Variants in ST6GALNAC3 observed in about 807,000 individuals in gnomAD.
The protein encoded by ST6GALNAC3 is ST6 N-acetylgalactosaminide alpha-2,6-sialyltransferase 3.
In ST6GALNAC3, 25 loss-of-function variants were observed where a neutral mutation model predicts 32.7. The observed-to-expected ratio is 0.76, with a 90% CI of 0.56 to 1.07. The LOEUF is 1.07. Ranked by LOEUF, ST6GALNAC3 falls within the 50% of genes least tolerant of loss-of-function variation. The pLI, the probability that ST6GALNAC3 is intolerant of heterozygous loss-of-function variation, is 0.00. For missense variants in ST6GALNAC3, 355 were observed against 382.4 expected (o/e 0.93, Z 0.60); for synonymous variants, 129 against 133.1 (o/e 0.97, Z 0.21).
In ST6GALNAC3 at chr1:76,438,390, C is replaced by T. The variant is rs183655665; in HGVS notation, c.623+25973C>T. ...TCCTGACCTTGTGATCCACCCGCCT[C>T]GGCCTCCCAAAGTGCTGGGATTACA... On this transcript the variant is annotated intron_variant, in intron 3 of 4. Coordinates refer to ENST00000328299, the MANE Select transcript of ST6GALNAC3 (RefSeq NM_152996.4). 3.8e-3 allele frequency among the ~76,000 whole-genome samples: 579 copies of T among 152,248 alleles called. 2 individuals carry two copies. Among genetic ancestry groups the T allele is most frequent in the African/African-American group, 0.013 (558 of 41,552 alleles).
At chr1:76,419,984 G>T (rs2101366680) in intron 3 of ST6GALNAC3, among the ~76,000 whole-genome samples, 1 of 147,426 alleles carries the variant, frequency 6.8e-6, no homozygotes, top group South Asian at 2.1e-4. Flanking sequence ...GGAGTGGAAA[G>T]TTTAATAGGC....
At chr1:76,384,010 T>C (rs1213414361) in intron 2 of ST6GALNAC3, among the ~76,000 whole-genome samples, 4 of 152,182 alleles carry the variant, frequency 2.6e-5, no homozygotes, top group African/African-American at 9.6e-5. Context: ...ACAAATGAAA[T>C]AGAGAACAAC....
At chr1:76,161,083 C>T (rs1651772433) in intron 1 of ST6GALNAC3, among the ~76,000 whole-genome samples, 1 of 152,142 alleles carries the variant, frequency 6.6e-6, no homozygotes, top group Admixed American at 6.5e-5. Flanking sequence ...TAGAGATGGG[C>T]CGGTGACCTC....
At chr1:76,380,794 G>T (rs527749484) in intron 2 of ST6GALNAC3, among the ~76,000 whole-genome samples, 3 of 152,070 alleles carry the variant, frequency 2.0e-5, no homozygotes, top group Non-Finnish European at 4.4e-5. Context: ...AGCTCCAAAG[G>T]GATGGAATGA....
At chr1:76,383,317 C>G (rs1651858477) in intron 2 of ST6GALNAC3, among the ~76,000 whole-genome samples, 1 of 152,076 alleles carries the variant, frequency 6.6e-6, no homozygotes, top group South Asian at 2.1e-4. Context: ...GTCACCCAGT[C>G]TAGAGTGCAG....
intron 2 of ST6GALNAC3, among the ~76,000 whole-genome samples, chr1:76,399,524 G>C (rs1245339477): frequency 6.6e-6 from 1 of 152,110 alleles, no homozygotes; most frequent in Non-Finnish European, 1.5e-5. Flanking sequence ...ACACCATCTT[G>C]TTCCTCTTCA....
At chr1:76,291,046 G>C (rs932135979) in intron 1 of ST6GALNAC3, among the ~76,000 whole-genome samples, 3 of 152,200 alleles carry the variant, frequency 2.0e-5, no homozygotes, top group Non-Finnish European at 4.4e-5. Flanking sequence ...AGGTACTAAA[G>C]GAGATGGAGA....
chr1:76,339,359 G>A (rs542268842), intron 2 of ST6GALNAC3, among the ~76,000 whole-genome samples: 51 of 152,238 alleles, frequency 3.4e-4, no homozygotes, highest in African/African-American at 1.1e-3. Flanking sequence ...GCTGAAGGAA[G>A]GAGCCATGAG....
At chr1:76,286,610 C>T (rs1005965392) in intron 1 of ST6GALNAC3, among the ~76,000 whole-genome samples, 1 of 152,236 alleles carries the variant, frequency 6.6e-6, no homozygotes, top group African/African-American at 2.4e-5. Flanking sequence ...CAACCTTCTT[C>T]CCCTTTGTGG....
At chr1:76,210,212 C>T (rs1353277218) in intron 1 of ST6GALNAC3, among the ~76,000 whole-genome samples, 1 of 152,176 alleles carries the variant, frequency 6.6e-6, no homozygotes, top group Non-Finnish European at 1.5e-5. Context: ...GCTAATTGTC[C>T]TGATTAGAGC....
intron 3 of ST6GALNAC3, among the ~76,000 whole-genome samples, chr1:76,625,678 C>T (rs954270230): frequency 1.3e-5 from 2 of 151,848 alleles, no homozygotes; most frequent in African/African-American, 2.4e-5. Context: ...CCTCAAACCC[C>T]AGAATGCAGG....
intron 1 of ST6GALNAC3, among the ~76,000 whole-genome samples, chr1:76,271,980 C>A (rs965904128): frequency 1.3e-5 from 2 of 152,076 alleles, no homozygotes; most frequent in African/African-American, 4.8e-5. Context: ...GGGAGTGAAA[C>A]TAGCTGCATG....
intron 1 of ST6GALNAC3, among the ~76,000 whole-genome samples, chr1:76,258,262 A>T (rs1658029183): frequency 6.6e-6 from 1 of 152,172 alleles, no homozygotes; most frequent in South Asian, 2.1e-4. Context: ...TTTGAAGAAG[A>T]CGTTCATTCC....
intron 1 of ST6GALNAC3, among the ~76,000 whole-genome samples, chr1:76,099,726 G>A (rs1045540509): frequency 6.6e-6 from 1 of 151,956 alleles, no homozygotes; most frequent in Non-Finnish European, 1.5e-5. Context: ...TATCAACTGG[G>A]GTGATGATTA....
chr1:76,293,831 G>T (rs918760341), intron 1 of ST6GALNAC3, among the ~76,000 whole-genome samples: 4 of 152,124 alleles, frequency 2.6e-5, no homozygotes, highest in Non-Finnish European at 5.9e-5. Context: ...TGTTGCGAAA[G>T]AACTGGTACA....
chr1:76,437,013 G>C (rs1656192086), intron 3 of ST6GALNAC3, among the ~76,000 whole-genome samples: 1 of 152,066 alleles, frequency 6.6e-6, no homozygotes, highest in Non-Finnish European at 1.5e-5. Flanking sequence ...TTCAGCCTGG[G>C]TGAGCTTTGC....
At chr1:76,456,029 AC>A (rs1312928246) in intron 3 of ST6GALNAC3, among the ~76,000 whole-genome samples, 1 of 152,140 alleles carries the variant, frequency 6.6e-6, no homozygotes, top group East Asian at 1.9e-4. Context: ...TACCAAAAAT[AC>A]AGAAGTTATT....
chr1:76,424,017 G>A (rs553487593), intron 3 of ST6GALNAC3, among the ~76,000 whole-genome samples: 5 of 152,032 alleles, frequency 3.3e-5, no homozygotes, highest in East Asian at 1.9e-4. Context: ...CAAAAGCTCC[G>A]AAGGTAAATG....
intron 1 of ST6GALNAC3, among the ~76,000 whole-genome samples, chr1:76,132,378 G>A (rs997520957): frequency 6.6e-6 from 1 of 152,054 alleles, no homozygotes; most frequent in African/African-American, 2.4e-5. Context: ...TGAATCTTCA[G>A]GGGGGCAATC....
Sources: allele counts gnomAD v4.1 joint callset (sites outside exome capture counted in the v4.1 genomes callset), GRCh38; gene constraint gnomAD v4.1.1; transcripts MANE v1.5; gene names NCBI Gene and HGNC (gene_info 2026-07-23, HGNC 2026-07-21).